The following SYNE2 variants were observed in gnomAD, a reference collection of about 807,000 sequenced individuals.
SYNE2 encodes nesprin-2.
A neutral mutation model predicts 856.3 loss-of-function variants in SYNE2; 431 were observed. The observed-to-expected ratio is 0.50, with a 90% confidence interval of 0.47 to 0.55. The LOEUF is 0.55. SYNE2 is among the 20% of genes least tolerant of loss of function. The probability of loss-of-function intolerance (pLI) is 0.00; values close to 1 mark genes in which losing one functional copy is unlikely to be tolerated. For missense variants in SYNE2, 8,129 were observed against 8,023.2 expected, an observed-to-expected ratio of 1.01 and a Z score of -0.50; for synonymous variants, 2,923 against 2,872.3, an observed-to-expected ratio of 1.02 and a Z score of -0.56.
intron 100 of SYNE2, chr14:64,208,290 G>A (rs1457748142): frequency 2.5e-6 from 1 of 398,050 alleles, no homozygotes; most frequent in East Asian, 7.1e-5. Context: ...ACAATTTGGT[G>A]TGTGTTTGAA....
At chr14:63,771,349 C>T (rs1466974729) in intron 1 of SYNE2, among the ~76,000 whole-genome samples, 2 of 151,934 alleles carry the variant, frequency 1.3e-5, no homozygotes, top group Non-Finnish European at 2.9e-5. Context: ...GGATTACAAG[C>T]GTGAGCCACC....
chr14:64,119,746 C>A, intron 67 of SYNE2, 137 bp downstream of exon 67: 1 of 825,220 alleles, frequency 1.2e-6, no homozygotes, highest in Admixed American at 2.8e-5. Context: ...CACATTAACA[C>A]CATAGATGAG....
intron 6 of SYNE2, among the ~76,000 whole-genome samples, chr14:63,949,277 C>T (rs1049808036): frequency 1.3e-5 from 2 of 151,980 alleles, no homozygotes; most frequent in Non-Finnish European, 2.9e-5. Flanking sequence ...ATTTACTTTG[C>T]CTGTATAATA....
At chr14:64,206,116 C>T (rs1273508035) in intron 100 of SYNE2, among the ~76,000 whole-genome samples, 1 of 152,150 alleles carries the variant, frequency 6.6e-6, no homozygotes, top group Non-Finnish European at 1.5e-5. Flanking sequence ...ATTCTTCTGG[C>T]TGCATTCTCT....
In SYNE2 at chr14:64,093,337, G is replaced by T. The variant is rs1486975723; in HGVS notation, c.11977-12G>T. The T allele has an allele frequency of 2.3e-5, 37 of 1,613,116 alleles. No homozygotes were observed. The highest frequency in any genetic ancestry group is 4.5e-5 in the East Asian group (2 of 44,864). On this transcript the variant is annotated splice_polypyrimidine_tract_variant and intron_variant, in intron 60 of 115. Coordinates refer to ENST00000555002, the MANE Select transcript of SYNE2 (RefSeq NM_182914.3). ...ATGACAAAGATTCTTTTTTGTGGGG[G>T]TTATTTTATAGGTAGTCATAAAACA... is the stretch of plus-strand genomic sequence containing the variant.
intron 65 of SYNE2, among the ~76,000 whole-genome samples, chr14:64,111,577 T>A (rs551681689): frequency 2.0e-5 from 3 of 152,134 alleles, no homozygotes; most frequent in African/African-American, 4.8e-5. Flanking sequence ...GGCGGGTGGA[T>A]CACTTGAGGC....
rs377113182 is a variant in SYNE2, at chr14:64,049,714, T to C, written c.7481T>C (p.Ile2494Thr). Residue 2494 changes from isoleucine (I) to threonine (T), a missense_variant, in exon 47 of 116, where the codon ATA becomes ACA. Around this residue, in one of 3 missense-constraint regions of SYNE2, gnomAD observed 5,410 missense variants for 5,284.8 expected, o/e 1.02. Transcript: ENST00000555002. ...TETGALVLHN[I>T]GYSAQHLDNL... ...ACTGGGGCCTTGGTTCTCCACAATA[T>C]AGGATATTCGGCACAGCATTTGGAC... The C allele has an allele frequency of 2.9e-5, 46 of 1,613,990 alleles. No homozygotes were observed. The highest frequency in any genetic ancestry group is 2.7e-4 in the Admixed American group (16 of 60,006).
intron 2 of SYNE2, among the ~76,000 whole-genome samples, chr14:63,921,240 T>C (rs1450786030): frequency 2.0e-5 from 3 of 150,914 alleles, no homozygotes; most frequent in African/African-American, 7.3e-5. Context: ...TGGTTAGACA[T>C]GATGACTCAG....
chr14:63,911,786 G>C (rs747381221), intron 2 of SYNE2, among the ~76,000 whole-genome samples: 1 of 152,168 alleles, frequency 6.6e-6, no homozygotes, highest in Non-Finnish European at 1.5e-5. Context: ...AGAATATGGA[G>C]GGCATCTTTA....
chr14:64,019,449 T>G (rs1230779559), intron 34 of SYNE2, among the ~76,000 whole-genome samples: 1 of 152,212 alleles, frequency 6.6e-6, no homozygotes, highest in East Asian at 1.9e-4. Flanking sequence ...GGAAAAAGTT[T>G]TTGAACTGTT....
rs115190902 is a variant in SYNE2 at position 64,050,456 on chromosome 14, A to C, written c.7643+580A>C. ...TGTTTTACAGAGTAATTTATGAAACAATTCGCACTATAAATATCTACAAAA... is the reference window on the plus strand; with the variant it reads ...TGTTTTACAGAGTAATTTATGAAACCATTCGCACTATAAATATCTACAAAA... On this transcript the variant is annotated intron_variant, in intron 47 of 115. Coordinates refer to ENST00000555002, the MANE Select transcript of SYNE2 (RefSeq NM_182914.3). 7.4e-3 allele frequency among the ~76,000 whole-genome samples: 1,134 copies of C among 152,336 alleles called. 15 individuals are homozygous for C. Among genetic ancestry groups the C allele is most frequent in the African/African-American group, 0.026 (1,097 of 41,570 alleles).
At chr14:64,183,353 C>G (rs1322991049) in intron 96 of SYNE2, among the ~76,000 whole-genome samples, 1 of 146,144 alleles carries the variant, frequency 6.8e-6, no homozygotes, top group Admixed American at 6.8e-5. Flanking sequence ...ACATCTCAGA[C>G]GATGGGCGGC....
At chr14:64,064,331 G>A (rs2097341332) in intron 50 of SYNE2, among the ~76,000 whole-genome samples, 1 of 152,152 alleles carries the variant, frequency 6.6e-6, no homozygotes, top group Non-Finnish European at 1.5e-5. Flanking sequence ...CGTATCCCAG[G>A]TGGGATGGAG....
chr14:64,216,355 C>G lies in SYNE2; in HGVS notation c.19510C>G (p.Pro6504Ala). Reference protein sequence around the residue: ...EGDRNVPPVPPASSTPYKPPY... With the variant: ...EGDRNVPPVPAASSTPYKPPY... ...TGACAGGAATGTTCCACCTGTTCCC[C>G]CTGCGTCCAGCACCCCTTATAAACC... Residue 6504 changes from proline (P) to alanine (A), a missense_variant, in exon 108 of 116, where the codon CCT (proline) becomes GCT (alanine). By Grantham distance (27) the Pro-to-Ala change is conservative. Around this residue, in one of 3 missense-constraint regions of SYNE2, gnomAD observed 5,410 missense variants for 5,284.8 expected, o/e 1.02. Transcript: ENST00000555002. 1.2e-6 allele frequency: 2 copies of G among 1,614,244 alleles called. No homozygotes were observed. Among genetic ancestry groups the G allele is most frequent in the South Asian group, 2.2e-5 (2 of 91,092 alleles).
At chr14:64,203,132 G>C (rs993380514) in intron 100 of SYNE2, among the ~76,000 whole-genome samples, 169 bp downstream of exon 100, 8 of 152,122 alleles carry the variant, frequency 5.3e-5, no homozygotes, top group Admixed American at 2.6e-4. Context: ...TCTGTCTCTT[G>C]AGTGCTCCCT....
intron 2 of SYNE2, among the ~76,000 whole-genome samples, chr14:63,911,229 G>A (rs866731138): frequency 2.0e-4 from 31 of 152,076 alleles, no homozygotes; most frequent in Admixed American, 1.0e-3. Context: ...TCCTCCAGCA[G>A]CAGAAGTCAT....
At chr14:64,001,174 C>T (rs755987495) in intron 28 of SYNE2, among the ~76,000 whole-genome samples, 3 of 152,156 alleles carry the variant, frequency 2.0e-5, no homozygotes, top group Non-Finnish European at 2.9e-5. Flanking sequence ...TACCTATGGT[C>T]ACACATTTCA....
At position 64,075,727 on chromosome 14, in the gene SYNE2, A is replaced by G. The variant is rs184616917; in HGVS notation, c.10867-218A>G. On this transcript the variant is annotated intron_variant, in intron 53 of 115. Coordinates refer to ENST00000555002, the MANE Select transcript of SYNE2 (RefSeq NM_182914.3). ...CTTTTCTAGATAATGGTGTGACACT[A>G]TGAAGAGATATCAAGTTTAATTCTT... 19 of 528,986 alleles carry G rather than the reference A, an allele frequency of 3.6e-5. 1 individual carries two copies. In the Admixed American group the frequency reaches 4.9e-4, roughly 14 times the overall value. The allele number at this position is 528,986 out of a possible 1,614,324, so 32.8% of individuals were successfully genotyped here.
chr14:64,126,292 C>A, intron 71 of SYNE2, 35 bp from the exon 72 acceptor site: 1 of 1,594,144 alleles, frequency 6.3e-7, no homozygotes, highest in Non-Finnish European at 8.6e-7. Context: ...GCAAAGGTAT[C>A]TTAATTTTCT....
Sources: allele counts gnomAD v4.1 joint callset (sites outside exome capture counted in the v4.1 genomes callset), GRCh38; gene constraint gnomAD v4.1.1; regional missense constraint gnomAD v4.1.1; transcripts MANE v1.5; gene names NCBI Gene and HGNC (gene_info 2026-07-23, HGNC 2026-07-21).